SGCD: variants seen among roughly 807,000 people sequenced by gnomAD.
SGCD encodes delta-sarcoglycan.
SGCD carries 18 observed loss-of-function variants against 36.6 expected under a neutral mutation model. The observed-to-expected ratio is 0.49, with a 90% confidence interval of 0.34 to 0.73. SGCD has a LOEUF of 0.73. SGCD is among the 30% of genes least tolerant of loss of function. SGCD has a pLI of 0.01. For synonymous variants in SGCD, 133 were observed against 130.6 expected, an observed-to-expected ratio of 1.02 and a Z score of -0.12; for missense variants, 387 against 346.7, an observed-to-expected ratio of 1.12 and a Z score of -0.92.
intron 3 of SGCD, among the ~76,000 whole-genome samples, chr5:156,449,468 A>C (rs1753898643): frequency 1.3e-5 from 2 of 151,912 alleles, no homozygotes; most frequent in Admixed American, 6.6e-5. Flanking sequence ...AACTGAAGGG[A>C]CTTAGACAAG....
intron 4 of SGCD, among the ~76,000 whole-genome samples, chr5:156,588,707 G>T (rs964744204): frequency 6.6e-6 from 1 of 152,194 alleles, no homozygotes; most frequent in Non-Finnish European, 1.5e-5. Context: ...CAGATCTCCT[G>T]GGTTTTGTAT....
At chr5:155,971,468 A>G (rs1758005462) in intron 1 of SGCD, among the ~76,000 whole-genome samples, 1 of 152,112 alleles carries the variant, frequency 6.6e-6, no homozygotes, top group Non-Finnish European at 1.5e-5. Flanking sequence ...GATACTGACA[A>G]TGTCATTCCC....
the SGCD span, among the ~76,000 whole-genome samples, chr5:155,755,946 A>T: frequency 6.6e-6 from 1 of 152,316 alleles, no homozygotes; most frequent in South Asian, 2.1e-4. Flanking sequence ...AATCAATAGA[A>T]CTTTGGTGCT....
the SGCD span, among the ~76,000 whole-genome samples, chr5:155,729,236 C>G: frequency 1.3e-5 from 2 of 152,350 alleles, no homozygotes; most frequent in African/African-American, 4.8e-5. Context: ...CGCTGACTTC[C>G]TCACCAACGT....
At chr5:155,947,293 T>TTGTGTGTGTG (rs56192140) in intron 1 of SGCD, among the ~76,000 whole-genome samples, 1 of 138,910 alleles carries the variant, frequency 7.2e-6, no homozygotes, top group African/African-American at 2.7e-5. Flanking sequence ...ATAAATACTC[T>TTGTGTGTGTG]TGTGTGTGTG....
chr5:155,741,690 T>TC, the SGCD span, among the ~76,000 whole-genome samples: 1 of 120,896 alleles, frequency 8.3e-6, no homozygotes. Flanking sequence ...TTCTTTTCTT[T>TC]TTTTTTTTTT....
chr5:156,031,593 A>G (rs1269514289), intron 1 of SGCD, among the ~76,000 whole-genome samples: 1 of 152,212 alleles, frequency 6.6e-6, no homozygotes, highest in East Asian at 1.9e-4. Context: ...CTCCCTGAGG[A>G]TAATGTCCAT....
At chr5:155,800,370 A>G in the SGCD span, among the ~76,000 whole-genome samples, 6 of 152,016 alleles carry the variant, frequency 3.9e-5, no homozygotes, top group African/African-American at 1.5e-4. Flanking sequence ...CAGGTGTATG[A>G]TATACTCTCT....
At chr5:156,624,361 C>T (rs758645066) in intron 6 of SGCD, among the ~76,000 whole-genome samples, 1 of 152,154 alleles carries the variant, frequency 6.6e-6, no homozygotes, top group Non-Finnish European at 1.5e-5. Flanking sequence ...GCGGGTGGAT[C>T]ACGAGGTCAG....
chr5:156,023,079 A>G (rs1759143773), intron 1 of SGCD, among the ~76,000 whole-genome samples: 1 of 152,228 alleles, frequency 6.6e-6, no homozygotes, highest in Admixed American at 6.5e-5. Context: ...CCACACAGTG[A>G]TTCTTTGGTC....
the SGCD span, among the ~76,000 whole-genome samples, chr5:155,847,913 C>G: frequency 6.6e-6 from 1 of 152,192 alleles, no homozygotes; most frequent in African/African-American, 2.4e-5. Context: ...AGCCATTAAG[C>G]TTTTTAGTTG....
intron 1 of SGCD, among the ~76,000 whole-genome samples, chr5:156,069,025 C>T (rs919631124): frequency 2.6e-5 from 4 of 151,922 alleles, no homozygotes; most frequent in African/African-American, 9.7e-5. Flanking sequence ...GGATATTAGC[C>T]CTTTGTCAGA....
chr5:155,923,089 G>C (rs893250028), intron 1 of SGCD, among the ~76,000 whole-genome samples: 4 of 152,160 alleles, frequency 2.6e-5, no homozygotes, highest in Admixed American at 1.3e-4. Flanking sequence ...TAGAACTGTG[G>C]CTTCAAATAT....
intron 3 of SGCD, among the ~76,000 whole-genome samples, chr5:156,199,460 G>A (rs1284937543): frequency 1.3e-5 from 2 of 152,040 alleles, no homozygotes; most frequent in African/African-American, 4.8e-5. Flanking sequence ...TCAGGAAATG[G>A]GACTTAAAAG....
At chr5:156,110,538 G>A (rs1483121158) in intron 1 of SGCD, among the ~76,000 whole-genome samples, 2 of 151,400 alleles carry the variant, frequency 1.3e-5, no homozygotes, top group Admixed American at 6.6e-5. Flanking sequence ...GAGGGTTCTC[G>A]GGGACTGTAT....
chr5:156,108,425 TA>T (rs1761703022), intron 1 of SGCD, among the ~76,000 whole-genome samples: 1 of 152,022 alleles, frequency 6.6e-6, no homozygotes, highest in Admixed American at 6.6e-5. Context: ...TTCTCAGCTG[TA>T]AAATGGAGAT....
chr5:156,552,216 CT>C, intron 4 of SGCD, among the ~76,000 whole-genome samples: 1 of 152,290 alleles, frequency 6.6e-6, no homozygotes. Context: ...TTTATTTCCC[CT>C]GATAACATCA....
chr5:156,307,558 T>TG, intron 3 of SGCD, among the ~76,000 whole-genome samples: 1 of 87,022 alleles, frequency 1.1e-5, no homozygotes, highest in Non-Finnish European at 2.2e-5. Flanking sequence ...AACTGTTGTT[T>TG]TTTTTTTTTT....
intron 2 of SGCD, among the ~76,000 whole-genome samples, chr5:156,338,502 G>C (rs1217184398): frequency 6.6e-6 from 1 of 152,180 alleles, no homozygotes; most frequent in Non-Finnish European, 1.5e-5. Context: ...AGTGTAGGAA[G>C]GAAAGTCAGC....
Sources: gnomAD v4.1 joint callset for allele counts (sites outside exome capture counted in the v4.1 genomes callset) on GRCh38, gnomAD v4.1.1 for gene constraint, MANE v1.5 for transcripts, NCBI Gene and HGNC (gene_info 2026-07-23, HGNC 2026-07-21) for gene names.